The following FAM47A variants were observed in gnomAD, a reference collection of about 807,000 sequenced individuals.
The protein encoded by FAM47A is family with sequence similarity 47 member A.
A neutral mutation model predicts 2.6 loss-of-function variants in FAM47A; 1 was observed. The observed-to-expected ratio is 0.39, with a 90% CI of 0.14 to 1.83. The LOEUF is 1.83. Ranked by LOEUF, FAM47A falls within the 40% of genes most tolerant of loss-of-function variation. The pLI, the probability that FAM47A is intolerant of heterozygous loss-of-function variation, is 0.32. For synonymous variants in FAM47A, 278 were observed against 270.1 expected, an observed-to-expected ratio of 1.03 and a Z score of -0.29; for missense variants, 657 against 673.1, an observed-to-expected ratio of 0.98 and a Z score of 0.26.
rs1279201108 is a variant in FAM47A, at chrX:34,132,061, C to T, written c.218G>A (p.Arg73His). ...TATTTTGGGGAGTAAAAACTCGTCA[C>T]GGCGACAAACGAGAGTATCTTCGGG... ...PSPEDTLVCR[R>H]DEFLLPKISL... Residue 73 changes from arginine to histidine, a missense_variant, in exon 1 of 1, where the codon CGT becomes CAT. Transcript: ENST00000346193. 1.7e-6 allele frequency: 2 copies of T among 1,210,404 alleles called. No homozygotes were observed. Among genetic ancestry groups the T allele is most frequent in the Non-Finnish European group, 1.1e-6 (1 of 895,012 alleles).
At position 34,130,326 on chromosome X, in the gene FAM47A, G is replaced by A. The variant is rs1303711801; in HGVS notation, c.1953C>T (p.Ser651=). 1.7e-6 allele frequency: 2 copies of A among 1,209,460 alleles called. No homozygotes were observed. The highest frequency in any genetic ancestry group is 3.5e-5 in the African/African-American group (2 of 57,020). ...DQKFKKVKEC[S]SELKYSMELD... ...GCTCCATGCTGTACTTCAGCTCTGA[G>A]GAACACTCCTTTACTTTCTTAAACT... Residue 651 remains serine (S), a synonymous_variant, in exon 1 of 1, where the codon TCC becomes TCT. Coordinates refer to ENST00000346193, the MANE Select transcript of FAM47A (RefSeq NM_203408.4).
In FAM47A at chrX:34,130,691, G is replaced by T; in HGVS notation, c.1588C>A (p.Leu530Ile). Residue 530 changes from leucine (L) to isoleucine (I), a missense_variant, in exon 1 of 1, where the codon CTC becomes ATC. Leu to Ile is a conservative substitution (Grantham distance 5). Coordinates refer to ENST00000346193, the MANE Select transcript of FAM47A (RefSeq NM_203408.4). ...CGAGTCTTGGGAGGCTCCGGACCGA[G>T]ACTGGACGTCCGACGAGTCTTGGGA... is the stretch of plus-strand genomic sequence containing the variant. ...EPPKTRRTSS[L>I]GPEPPKTRRV... 1 of 1,068,481 alleles carries T rather than the reference G, an allele frequency of 9.4e-7. No individual in the cohort carries two copies. Among genetic ancestry groups the T allele is most frequent in the Non-Finnish European group, 1.3e-6 (1 of 795,799 alleles). The allele number at this position is 1,068,481 out of a possible 1,213,427, so 88.1% of individuals were successfully genotyped here. A position where few individuals can be genotyped will look rare whatever the true frequency, so the allele number is the denominator to read the frequency against.
At position 34,130,046 on chromosome X, in the gene FAM47A, T is replaced by A. The variant is rs373293519; in HGVS notation, c.2233A>T (p.Ser745Cys). ...GPIAFKDFIL[S>C]KGYEMPGIIQ... is the part of the protein sequence containing the mutation. The stretch of plus-strand genomic sequence containing the variant: ...ATGCCAGGCATTTCATAGCCCTTGC[T>A]TAGAATGAAATCCTTAAAGGCAATT... Residue 745 changes from serine (S) to cysteine (C), a missense_variant, in exon 1 of 1, where the codon AGC (serine) becomes TGC (cysteine). Ser to Cys is a moderately radical substitution (Grantham distance 112). Around this residue, in one of 3 missense-constraint regions of FAM47A, gnomAD observed 198 missense variants for 203.4 expected, o/e 0.97. Coordinates refer to ENST00000346193, the MANE Select transcript of FAM47A (RefSeq NM_203408.4). The A allele has an allele frequency of 3.1e-5, 38 of 1,210,430 alleles. No individual in the cohort carries two copies. Among genetic ancestry groups the A allele is most frequent in the Non-Finnish European group, 4.0e-5 (36 of 895,408 alleles).
Position 34,131,189 on chromosome X carries a change from G to C in FAM47A, c.1090C>G (p.Leu364Val). The change falls in exon 1 of 1, where the codon CTA becomes GTA. Residue 364 changes from leucine (L) to valine (V), a missense_variant. Around this residue, in one of 3 missense-constraint regions of FAM47A, gnomAD observed 436 missense variants for 414.1 expected, o/e 1.05. Transcript: ENST00000346193. ...CCCCGACGAGTCTTGGGAGGCGCTA[G>C]GCGGAGACGGGACACTCCAGTCTCG... Reference protein sequence around the residue: ...PSETGVSRLRLAPPKTRRGSS... With the variant: ...PSETGVSRLRVAPPKTRRGSS... 1 of 1,207,632 alleles carries C rather than the reference G, an allele frequency of 8.3e-7. No individual in the cohort carries two copies. The highest frequency in any genetic ancestry group is 1.1e-6 in the Non-Finnish European group (1 of 893,823).
Position 34,131,352 on chromosome X carries a change from T to C in FAM47A, c.927A>G (p.Pro309=), listed in dbSNP as rs1922466734. ...GAGGCTCCTGGCGGAGATGGGACAG[T>C]GGAGTCTCGAAAGGCCGAGGACAGA... ...GKFCPRPFET[P]LSHLRQEPPK... Residue 309 remains proline (P), a synonymous_variant, in exon 1 of 1, where the codon CCA becomes CCG. Transcript: ENST00000346193. 2 of 1,202,531 alleles carry C rather than the reference T, an allele frequency of 1.7e-6. No homozygotes were observed. Among genetic ancestry groups the C allele is most frequent in the Non-Finnish European group, 2.2e-6 (2 of 892,682 alleles).
Position 34,130,564 on chromosome X carries a change from G to A in FAM47A, c.1715C>T (p.Pro572Leu), listed in dbSNP as rs1922421302. 2.5e-6 allele frequency: 3 copies of A among 1,211,787 alleles called. No individual in the cohort carries two copies. Among genetic ancestry groups the A allele is most frequent in the Non-Finnish European group, 3.3e-6 (3 of 895,578 alleles). The part of the protein sequence containing the change: ...KAPESHQFSE[P>L]PKIRASYIKE... ...TATGTAGGATGCTCGAATCTTGGGA[G>A]GCTCCGAGAATTGATGGGACTCTGG... The change falls in exon 1 of 1, where the codon CCT becomes CTT. Residue 572 changes from proline (P) to leucine (L), a missense_variant. By Grantham distance (98) the Pro-to-Leu change is moderately conservative (BLOSUM62 -3). This residue lies in a region of FAM47A where 198 missense variants were observed against 203.4 expected (regional missense o/e 0.97). Coordinates refer to ENST00000346193, the MANE Select transcript of FAM47A (RefSeq NM_203408.4).
chrX:34,131,226 G>A lies in FAM47A; in HGVS notation c.1053C>T (p.Arg351=). 1.2e-5 allele frequency: 14 copies of A among 1,210,004 alleles called. No homozygotes were observed. Among genetic ancestry groups the A allele is most frequent in the Non-Finnish European group, 1.6e-5 (14 of 894,847 alleles). ...HSKTRRGSSL[R]SEPSETGVSR... ...ACACTCCAGTCTCGGAAGGCTCCGA[G>A]CGGAGACTGGACCCCCGACGAGTCT... The change falls in exon 1 of 1, where the codon CGC becomes CGT. Residue 351 remains arginine (R), a synonymous_variant. Transcript: ENST00000346193.
chrX:34,132,226 T>G lies in FAM47A; in HGVS notation c.53A>C (p.Lys18Thr), dbSNP rs1473615172. The change falls in exon 1 of 1, where the codon AAG (lysine) becomes ACG (threonine). Residue 18 changes from lysine to threonine, a missense_variant. Coordinates refer to ENST00000346193, the MANE Select transcript of FAM47A (RefSeq NM_203408.4). ...AGGCCGTTTGTTACAGTACCAGGGC[T>G]TGGAGTCCATGCCCGGGGACCTCAG... ...DWLRSPGMDS[K>T]PWYCNKRPSK... The G allele has an allele frequency of 2.2e-5, 26 of 1,196,774 alleles. No homozygotes were observed. The highest frequency in any genetic ancestry group is 2.6e-5 in the Non-Finnish European group (23 of 888,370).
Position 34,131,266 on chromosome X carries a change from C to G in FAM47A, c.1013G>C (p.Arg338Pro), listed in dbSNP as rs200119016. ...CCGACGAGTCTTGGAATGCTCTAGG[C>G]GGAGATGGGACTCTCCAGTCTCCGG... ...EPPETGESHL[R>P]LEHSKTRRGS... The change falls in exon 1 of 1, where the codon CGC becomes CCC. Residue 338 changes from arginine to proline, a missense_variant. Physicochemically the swap from Arg to Pro is moderately radical, Grantham distance 103 (BLOSUM62 -2). Coordinates refer to ENST00000346193, the MANE Select transcript of FAM47A (RefSeq NM_203408.4). 3.3e-4 allele frequency: 399 copies of G among 1,206,522 alleles called. No individual in the cohort carries two copies. The highest frequency in any genetic ancestry group is 4.3e-4 in the Non-Finnish European group (384 of 893,960).
In FAM47A at chrX:34,131,151, G is replaced by A; in HGVS notation, c.1128C>T (p.His376=). The change falls in exon 1 of 1, where the codon CAC becomes CAT. Residue 376 remains histidine (H), a synonymous_variant. Coordinates refer to ENST00000346193, the MANE Select transcript of FAM47A (RefSeq NM_203408.4). ...PPKTRRGSSL[H]AEPSKTGVSH... is the part of the protein sequence containing the mutation. ...ACACTCCAGTCTTGGAAGGCTCCGCGTGGAGACTGGACCCCCGACGAGTCT... is the reference window on the plus strand; with the variant it reads ...ACACTCCAGTCTTGGAAGGCTCCGCATGGAGACTGGACCCCCGACGAGTCT... 8.4e-7 allele frequency: 1 copy of A among 1,190,993 alleles called. No homozygotes were observed. The highest frequency in any genetic ancestry group is 2.2e-5 in the Admixed American group (1 of 45,001).
In FAM47A at chrX:34,130,620, C is replaced by T. The variant is rs1569241552; in HGVS notation, c.1659G>A (p.Val553=). The T allele has an allele frequency of 8.3e-7, 1 of 1,209,984 alleles. No homozygotes were observed. Residue 553 remains valine, a synonymous_variant, in exon 1 of 1, where the codon GTG becomes GTA. Transcript: ENST00000346193. ...TGGGAGGCTCCGGGTGGAGACTGGA[C>T]ACCCGACGACTCTTGGGAAGCTCCG... ...LRPELPKSRR[V]SSLHPEPPKA...
chrX:34,130,141 G>T lies in FAM47A; in HGVS notation c.2138C>A (p.Pro713His). Reference protein sequence around the residue: ...KLWKKLRSDEPLIDPKLLLKK... With the variant: ...KLWKKLRSDEHLIDPKLLLKK... ...AAGTAAGAGCTTGGGGTCAATCAAA[G>T]GTTCATCACTTCTTAGCTTTTTCCA... Residue 713 changes from proline to histidine, a missense_variant, in exon 1 of 1, where the codon CCT becomes CAT. Transcript: ENST00000346193. 2 of 1,211,530 alleles carry T rather than the reference G, an allele frequency of 1.7e-6. No individual in the cohort carries two copies. The highest frequency in any genetic ancestry group is 2.2e-6 in the Non-Finnish European group (2 of 895,435).
Position 34,130,055 on chromosome X carries a change from A to G in FAM47A, c.2224T>C (p.Phe742Leu), listed in dbSNP as rs1487655399. ...DLYGPIAFKD[F>L]ILSKGYEMPG... The stretch of plus-strand genomic sequence containing the variant: ...ATTTCATAGCCCTTGCTTAGAATGA[A>G]ATCCTTAAAGGCAATTGGTCCATAA... The change falls in exon 1 of 1, where the codon TTC becomes CTC. Residue 742 changes from phenylalanine to leucine, a missense_variant. Transcript: ENST00000346193. 1.7e-6 allele frequency: 2 copies of G among 1,210,001 alleles called. No homozygotes were observed. The highest frequency in any genetic ancestry group is 3.5e-5 in the African/African-American group (2 of 57,181).
Position 34,131,425 on chromosome X carries a change from T to G in FAM47A, c.854A>C (p.Lys285Thr). The G allele has an allele frequency of 2.5e-6, 3 of 1,209,969 alleles. No individual in the cohort carries two copies. Among genetic ancestry groups the G allele is most frequent in the Non-Finnish European group, 3.4e-6 (3 of 895,120 alleles). ...AGGCTCTGTGGGTTCGTCAGTTGTC[T>G]TCTCCCGGCCCTCACAAGGAGCCCG... ...DARAPCEGRE[K>T]TTDEPTEPGK... The change falls in exon 1 of 1, where the codon AAG becomes ACG. Residue 285 changes from lysine (K) to threonine (T), a missense_variant. Lys to Thr is a moderately conservative substitution (Grantham distance 78). This residue lies in a region of FAM47A where 436 missense variants were observed against 414.1 expected (regional missense o/e 1.05). Coordinates refer to ENST00000346193, the MANE Select transcript of FAM47A (RefSeq NM_203408.4).
At position 34,130,309 on chromosome X, in the gene FAM47A, C is replaced by G. The variant is rs748015716; in HGVS notation, c.1970G>C (p.Ser657Thr). Residue 657 changes from serine to threonine, a missense_variant, in exon 1 of 1, where the codon AGC (serine) becomes ACC (threonine). Physicochemically the swap from Ser to Thr is moderately conservative, Grantham distance 58. Transcript: ENST00000346193. ...CTCATCCTTTTCATCTAGCTCCATG[C>G]TGTACTTCAGCTCTGAGGAACACTC... Reference protein sequence around the residue: ...VKECSSELKYSMELDEKDEDK... With the variant: ...VKECSSELKYTMELDEKDEDK... 28 of 1,209,448 alleles carry G rather than the reference C, an allele frequency of 2.3e-5. No individual in the cohort carries two copies. In the South Asian group the frequency reaches 4.6e-4, roughly 20 times the overall value.
At position 34,130,643 on chromosome X, in the gene FAM47A, C is replaced by T. The variant is rs1601859104; in HGVS notation, c.1636G>A (p.Glu546Lys). Residue 546 changes from glutamate to lysine, a missense_variant, in exon 1 of 1, where the codon GAG becomes AAG. By Grantham distance (56) the Glu-to-Lys change is moderately conservative (BLOSUM62 1). Transcript: ENST00000346193. ...KTRRVSSLRP[E>K]LPKSRRVSSL... is the part of the protein sequence containing the mutation. ...GACACCCGACGACTCTTGGGAAGCT[C>T]CGGGCGGAGACTGGACACTCGACGA... The T allele has an allele frequency of 6.6e-6, 8 of 1,208,990 alleles. No individual in the cohort carries two copies. The highest frequency in any genetic ancestry group is 8.9e-6 in the Non-Finnish European group (8 of 894,613).
chrX:34,131,728 C>T lies in FAM47A; in HGVS notation c.551G>A (p.Cys184Tyr). ...GGGAGGCTTCAGGCAGAATTCCCCACAGGGATGTTTACCAGGCTCAGTGGG... is the reference window on the plus strand; with the variant it reads ...GGGAGGCTTCAGGCAGAATTCCCCATAGGGATGTTTACCAGGCTCAGTGGG... Reference protein sequence around the residue: ...EVPTEPGKHPCGEFCLKPPET... With the variant: ...EVPTEPGKHPYGEFCLKPPET... Residue 184 changes from cysteine (C) to tyrosine (Y), a missense_variant, in exon 1 of 1, where the codon TGT (cysteine) becomes TAT (tyrosine). Cys to Tyr is a radical substitution (Grantham distance 194, BLOSUM62 -2). This residue lies in a region of FAM47A where 436 missense variants were observed against 414.1 expected (regional missense o/e 1.05). Transcript: ENST00000346193. The T allele has an allele frequency of 1.7e-6, 2 of 1,208,662 alleles. No individual in the cohort carries two copies. The highest frequency in any genetic ancestry group is 2.2e-6 in the Non-Finnish European group (2 of 894,111).
Position 34,132,295 on chromosome X carries a change from G to A in FAM47A, c.-17C>T. The A allele has an allele frequency of 2.6e-6, 3 of 1,145,846 alleles. No homozygotes were observed. Among genetic ancestry groups the A allele is most frequent in the Non-Finnish European group, 3.5e-6 (3 of 864,018 alleles). The allele number at this position is 1,145,846 out of a possible 1,213,427, so 94.4% of individuals were successfully genotyped here. ...GTCCCCCATGGTGGCCCTCGCTGTG[G>A]TGCCACGTCTCCAGCTTCTGAGGTC... On this transcript the variant is annotated 5_prime_UTR_variant, in exon 1 of 1. Transcript: ENST00000346193.
In FAM47A at chrX:34,131,700, C is replaced by T. The variant is rs1922487136; in HGVS notation, c.579G>A (p.Glu193=). The change falls in exon 1 of 1, where the codon GAG becomes GAA. Residue 193 remains glutamate, a synonymous_variant. Transcript: ENST00000346193. ...CTGGGAGGAGATGGGACACCGGAGT[C>T]TCGGGAGGCTTCAGGCAGAATTCCC... The part of the protein sequence containing the change: ...PCGEFCLKPP[E]TPVSHLLPEP... 8.3e-7 allele frequency: 1 copy of T among 1,206,816 alleles called. No individual in the cohort carries two copies. The highest frequency in any genetic ancestry group is 1.1e-6 in the Non-Finnish European group (1 of 893,903).
Sources: allele counts gnomAD v4.1 joint callset, GRCh38; gene constraint gnomAD v4.1.1; regional missense constraint gnomAD v4.1.1; transcripts MANE v1.5; gene names NCBI Gene and HGNC (gene_info 2026-07-23, HGNC 2026-07-21).